Variants in PLCG1 observed in about 807,000 individuals in gnomAD.
The protein encoded by PLCG1 is 1-phosphatidylinositol 4,5-bisphosphate phosphodiesterase gamma-1.
PLCG1 carries 71 observed loss-of-function variants against 177.8 expected under a neutral mutation model. The ratio of observed to expected loss-of-function variants is 0.40; its 90% CI spans 0.33 to 0.49. The LOEUF (loss-of-function observed/expected upper bound fraction) is 0.49, where lower values mean the gene tolerates loss of function less well. Ranked by LOEUF, PLCG1 falls within the 20% of genes least tolerant of loss-of-function variation. The probability of loss-of-function intolerance (pLI) is 0.72; values close to 1 mark genes in which losing one functional copy is unlikely to be tolerated. For missense variants in PLCG1, 1,281 were observed against 1,709.0 expected (o/e 0.75, Z 4.42); for synonymous variants, 658 against 647.9 (o/e 1.02, Z -0.24).
rs561164565 is a variant in PLCG1, at chr20:41,176,944, T to C, written c.*2435T>C. On this transcript the variant is annotated 3_prime_UTR_variant, in exon 32 of 32. Coordinates refer to ENST00000685551, the MANE Select transcript of PLCG1 (RefSeq NM_002660.3). The stretch of plus-strand genomic sequence containing the variant: ...GTTATGACCTGTGGAGTCTCAACCC[T>C]AACAGCACATTAGCACCACTTGGGG... 8.5e-5 allele frequency: 13 copies of C among 152,342 alleles called. No individual in the cohort carries two copies. The East Asian group carries it at 2.5e-3, about 29-fold the overall frequency. 9.4% of individuals were successfully genotyped at this position (152,342 alleles called of 1,614,324 possible). A position where few individuals can be genotyped will look rare whatever the true frequency, so the allele number is the denominator to read the frequency against.
chr20:41,137,723 A>T lies in PLCG1; in HGVS notation c.82A>T (p.Ser28Cys). The stretch of plus-strand genomic sequence containing the variant: ...CGCCGAGGTGCTGCACCTCTGCCGC[A>T]GCCTCGAGGTGGGCACCGTCATGAC... Reference protein sequence around the residue: ...SDAEVLHLCRSLEVGTVMTLF... With the variant: ...SDAEVLHLCRCLEVGTVMTLF... The change falls in exon 1 of 32, where the codon AGC becomes TGC. Residue 28 changes from serine to cysteine, a missense_variant. By Grantham distance (112) the Ser-to-Cys change is moderately radical (BLOSUM62 -1). Transcript: ENST00000685551. The surrounding 1 kb of genome is among the most constrained non-coding windows in gnomAD (Gnocchi z 7.3). 7.6e-7 allele frequency: 1 copy of T among 1,312,092 alleles called. No homozygotes were observed. Among genetic ancestry groups the T allele is most frequent in the Non-Finnish European group, 9.8e-7 (1 of 1,025,268 alleles). 81.3% of individuals were successfully genotyped at this position (1,312,092 alleles called of 1,614,324 possible).
At position 41,169,447 on chromosome 20, in the gene PLCG1, C is replaced by T. The variant is rs754314772; in HGVS notation, c.2581-10C>T. ...CCATGCTGACCATTGGTGGGCTTTGCTTCCCACAGCACTTGGACGAGAACA... is the reference window on the plus strand; with the variant it reads ...CCATGCTGACCATTGGTGGGCTTTGTTTCCCACAGCACTTGGACGAGAACA... On this transcript the variant is annotated splice_polypyrimidine_tract_variant and intron_variant, in intron 22 of 31. Coordinates refer to ENST00000685551, the MANE Select transcript of PLCG1 (RefSeq NM_002660.3). 3 of 1,609,756 alleles carry T rather than the reference C, an allele frequency of 1.9e-6. No individual in the cohort carries two copies. In the East Asian group the frequency reaches 6.7e-5, roughly 36 times the overall value.
Position 41,174,138 on chromosome 20 carries a change from C to T in PLCG1, c.3660C>T (p.Asp1220=). 6.2e-7 allele frequency: 1 copy of T among 1,613,718 alleles called. No homozygotes were observed. Among genetic ancestry groups the T allele is most frequent in the East Asian group, 2.2e-5 (1 of 44,860 alleles). ...CTTCGTTGAAGCAGGAGAATGGTGACCTCAGTCCCTTCAGTGGTACGTCCC... is the reference window on the plus strand; with the variant it reads ...CTTCGTTGAAGCAGGAGAATGGTGATCTCAGTCCCTTCAGTGGTACGTCCC... ...DIFPAKQENG[D]LSPFSGTSLR... Residue 1220 remains aspartate, a synonymous_variant, in exon 31 of 32, where the codon GAC becomes GAT. Coordinates refer to ENST00000685551, the MANE Select transcript of PLCG1 (RefSeq NM_002660.3). The surrounding 1 kb of genome is among the most constrained non-coding windows in gnomAD (Gnocchi z 5.8).
rs1207871943 is a variant in PLCG1 at position 41,175,838 on chromosome 20, A to G, written c.*1329A>G. ...AGAAGCAGGTAGGAAATTTCTGGAA[A>G]TTTCTCAGGTTAAGCAGCAAGAGCT... On this transcript the variant is annotated 3_prime_UTR_variant, in exon 32 of 32. Transcript: ENST00000685551. 6.6e-6 allele frequency: 1 copy of G among 152,600 alleles called. No homozygotes were observed. The highest frequency in any genetic ancestry group is 1.5e-5 in the Non-Finnish European group (1 of 68,034). 9.5% of individuals were successfully genotyped at this position (152,600 alleles called of 1,614,324 possible). A position where few individuals can be genotyped will look rare whatever the true frequency, so the allele number is the denominator to read the frequency against.
Position 41,174,350 on chromosome 20 carries a change from T to A in PLCG1, c.3833+39T>A. ...AGGGGTGCTAGAGCCAGGAAGGCAG[T>A]GGCTAGGTCCTCCTTCTTCAGTGTT... On this transcript the variant is annotated intron_variant, in intron 31 of 31. Transcript: ENST00000685551. The surrounding 1 kb of genome is among the most constrained non-coding windows in gnomAD (Gnocchi z 5.8). 1 of 1,604,420 alleles carries A rather than the reference T, an allele frequency of 6.2e-7. No individual in the cohort carries two copies. The highest frequency in any genetic ancestry group is 8.5e-7 in the Non-Finnish European group (1 of 1,171,588).
chr20:41,171,606 A>AAAAT (rs1295225427), intron 24 of PLCG1, among the ~76,000 whole-genome samples: 1 of 151,346 alleles, frequency 6.6e-6, no homozygotes, highest in Non-Finnish European at 1.5e-5. Flanking sequence ...AAAAAAAAAA[A>AAAAT]AAAGCCACTG....
In PLCG1 at chr20:41,167,685, C is replaced by T; in HGVS notation, c.2302-167C>T. The T allele has an allele frequency of 1.6e-6, 1 of 610,140 alleles. No individual in the cohort carries two copies. The highest frequency in any genetic ancestry group is 2.0e-5 in the South Asian group (1 of 50,876). The allele number at this position is 610,140 out of a possible 1,614,324, so 37.8% of individuals were successfully genotyped here. On this transcript the variant is annotated intron_variant, in intron 19 of 31. Coordinates refer to ENST00000685551, the MANE Select transcript of PLCG1 (RefSeq NM_002660.3). This position sits in a 1 kb window ranked among gnomAD's most constrained non-coding sequence, Gnocchi z 4.4. ...GAAGAAAGGAAAGGGAACAGTGAGG[C>T]CGGGCCTGAGGCCTCTGAAGCCGTC...
chr20:41,169,628 A>C, intron 23 of PLCG1, 102 bp downstream of exon 23: 1 of 896,272 alleles, frequency 1.1e-6, no homozygotes, highest in Non-Finnish European at 1.8e-6. Flanking sequence ...CTGAACCCCA[A>C]AGTCTGCCCT....
At chr20:41,143,868 A>G (rs2034909103) in intron 1 of PLCG1, among the ~76,000 whole-genome samples, 2 of 152,224 alleles carry the variant, frequency 1.3e-5, no homozygotes, top group Non-Finnish European at 2.9e-5. Flanking sequence ...ACTACCCAGC[A>G]CAACATTTGT....
rs950562764 is a variant in PLCG1, at chr20:41,151,947, C to T, written c.218-7659C>T. Among the ~76,000 whole-genome samples, 2 of 152,208 alleles carry T rather than the reference C, an allele frequency of 1.3e-5. No homozygotes were observed. Among genetic ancestry groups the T allele is most frequent in the African/African-American group, 4.8e-5 (2 of 41,456 alleles). ...GCAGTGCAGTGCCTGCCGTACCCCA[C>T]AGGGAGTTGTATAGGAACCTGGGGA... On this transcript the variant is annotated intron_variant, in intron 1 of 31. Coordinates refer to ENST00000685551, the MANE Select transcript of PLCG1 (RefSeq NM_002660.3). This position sits in a 1 kb window ranked among gnomAD's most constrained non-coding sequence, Gnocchi z 5.5.
Position 41,170,169 on chromosome 20 carries a change from C to T in PLCG1, c.2708C>T (p.Ser903Leu), listed in dbSNP as rs200504048. The T allele has an allele frequency of 8.5e-5, 137 of 1,614,084 alleles. No individual in the cohort carries two copies. The highest frequency in any genetic ancestry group is 3.3e-4 in the Middle Eastern group (2 of 6,054). The stretch of plus-strand genomic sequence containing the variant: ...TTCGTCTTCTCCATCAGCATGGCGT[C>T]GGTGGCCCACTGGTCCCTGGATGTT... ...RLFVFSISMA[S>L]VAHWSLDVAA... is the part of the protein sequence containing the mutation. The change falls in exon 24 of 32, where the codon TCG becomes TTG. Residue 903 changes from serine (S) to leucine (L), a missense_variant. Transcript: ENST00000685551.
At position 41,163,700 on chromosome 20, in the gene PLCG1, CAT is replaced by C. The variant is rs1203199231; in HGVS notation, c.892-14_892-13del. 5.2e-6 allele frequency: 8 copies of C among 1,541,996 alleles called. No homozygotes were observed. The highest frequency in any genetic ancestry group is 2.2e-5 in the East Asian group (1 of 44,540). On this transcript the variant is annotated splice_polypyrimidine_tract_variant and intron_variant, in intron 9 of 31. Transcript: ENST00000685551. This position sits in a 1 kb window ranked among gnomAD's most constrained non-coding sequence, Gnocchi z 5.2. ...GGGACTCACTGTCTCTTCCCTTCCA[CAT>C]GTTTCTGGACAGTTTGTCACCTTCC...
chr20:41,174,309 A>G lies in PLCG1; in HGVS notation c.3831A>G (p.Arg1277=). The G allele has an allele frequency of 6.2e-7, 1 of 1,612,920 alleles. No individual in the cohort carries two copies. Among genetic ancestry groups the G allele is most frequent in the Non-Finnish European group, 8.5e-7 (1 of 1,178,926 alleles). The stretch of plus-strand genomic sequence containing the variant: ...CAGACCATTTTGACAGTCGAGAACG[A>G]AGGTGAGGAAGATGGAGGGGTGCTA... ...HLADHFDSRE[R]RAPRRTRVNG... is the part of the protein sequence containing the mutation. Residue 1277 remains arginine (R), a splice_region_variant and synonymous_variant, in exon 31 of 32, where the codon CGA becomes CGG. Transcript: ENST00000685551. The surrounding 1 kb of genome is among the most constrained non-coding windows in gnomAD (Gnocchi z 5.8).
At chr20:41,161,026 T>C (rs753234985) in intron 4 of PLCG1, among the ~76,000 whole-genome samples, 1 of 152,046 alleles carries the variant, frequency 6.6e-6, no homozygotes, top group Non-Finnish European at 1.5e-5. Flanking sequence ...ACATACACAG[T>C]AGGGGCTACA....
At chr20:41,139,624 G>C (rs2145992092) in intron 1 of PLCG1, among the ~76,000 whole-genome samples, 1 of 152,222 alleles carries the variant, frequency 6.6e-6, no homozygotes, top group East Asian at 1.9e-4. Flanking sequence ...GTTGCTCCAG[G>C]ATCAAATGAG....
chr20:41,163,099 G>C lies in PLCG1; in HGVS notation c.717-104G>C. The C allele has an allele frequency of 6.7e-7, 1 of 1,500,824 alleles. No homozygotes were observed. The highest frequency in any genetic ancestry group is 9.3e-7 in the Non-Finnish European group (1 of 1,079,580). The allele number at this position is 1,500,824 out of a possible 1,614,324, so 93.0% of individuals were successfully genotyped here. On this transcript the variant is annotated intron_variant, in intron 7 of 31. Coordinates refer to ENST00000685551, the MANE Select transcript of PLCG1 (RefSeq NM_002660.3). This position sits in a 1 kb window ranked among gnomAD's most constrained non-coding sequence, Gnocchi z 5.2. ...GCAGTGGGAGTAGGGAACCATGCTGGACCATTCTGGGAAGCTGTGCTGGCT... is the reference window on the plus strand; with the variant it reads ...GCAGTGGGAGTAGGGAACCATGCTGCACCATTCTGGGAAGCTGTGCTGGCT...
Position 41,165,198 on chromosome 20 carries a change from G to C in PLCG1, c.1387-47G>C. 3 of 1,609,602 alleles carry C rather than the reference G, an allele frequency of 1.9e-6. No individual in the cohort carries two copies. Among genetic ancestry groups the C allele is most frequent in the Non-Finnish European group, 1.7e-6 (2 of 1,177,202 alleles). ...GGGCCTAAACCTGGGTGAGGAGGTG[G>C]GGTGAGGACTGGGGTCTGCATTGCC... On this transcript the variant is annotated intron_variant, in intron 13 of 31. Coordinates refer to ENST00000685551, the MANE Select transcript of PLCG1 (RefSeq NM_002660.3). The surrounding 1 kb of genome is among the most constrained non-coding windows in gnomAD (Gnocchi z 6.6).
At position 41,150,952 on chromosome 20, in the gene PLCG1, ATC is replaced by A. The variant is rs2035149328; in HGVS notation, c.218-8650_218-8649del. On this transcript the variant is annotated intron_variant, in intron 1 of 31. Coordinates refer to ENST00000685551, the MANE Select transcript of PLCG1 (RefSeq NM_002660.3). The surrounding 1 kb of genome is among the most constrained non-coding windows in gnomAD (Gnocchi z 4.0). ...AGGCAGGAACTCAAATGCCTTATTG[ATC>A]TCTGTTTCCCTAGGACCCAGCCCAG... Among the ~76,000 whole-genome samples, 1 of 152,118 alleles carries A rather than the reference ATC, an allele frequency of 6.6e-6. No homozygotes were observed. The highest frequency in any genetic ancestry group is 2.1e-4 in the South Asian group (1 of 4,834).
intron 1 of PLCG1, among the ~76,000 whole-genome samples, chr20:41,155,146 T>G (rs925438184): frequency 1.3e-5 from 2 of 152,232 alleles, no homozygotes; most frequent in Non-Finnish European, 2.9e-5. Context: ...ATATAACCTT[T>G]TATTTTACAA....
Sources: gnomAD v4.1 joint callset for allele counts (sites outside exome capture counted in the v4.1 genomes callset) on GRCh38, gnomAD v4.1.1 for gene constraint, Gnocchi (gnomAD v3.1) non-coding constraint, MANE v1.5 for transcripts, NCBI Gene and HGNC (gene_info 2026-07-23, HGNC 2026-07-21) for gene names.